Variants in ADAP2 observed in about 807,000 individuals in gnomAD.
The protein encoded by ADAP2 is ArfGAP with dual PH domains 2.
In ADAP2, 42 loss-of-function variants were observed where a neutral mutation model predicts 54.9. That is an observed-to-expected ratio of 0.77 (90% confidence interval 0.60 to 0.99). The LOEUF (loss-of-function observed/expected upper bound fraction) is 0.99, where lower values mean the gene tolerates loss of function less well. Among genes scored for constraint, ADAP2 ranks in the 50% least tolerant of loss-of-function variants. The pLI is 0.00. For synonymous variants in ADAP2, 177 were observed against 180.1 expected, an observed-to-expected ratio of 0.98 and a Z score of 0.14; for missense variants, 429 against 480.4, an observed-to-expected ratio of 0.89 and a Z score of 1.00.
In ADAP2 at chr17:30,938,059, T is replaced by C. The variant is rs190133115; in HGVS notation, c.510+3762T>C. On this transcript the variant is annotated intron_variant, in intron 5 of 10. Transcript: ENST00000330889. ...TAGGATCACCTAAGCAGGAAAAAGG[T>C]GTTCAAGGACTGAGTATTTTGGTTA... is the stretch of plus-strand genomic sequence containing the variant. Among the ~76,000 whole-genome samples, 447 of 152,330 alleles carry C rather than the reference T, an allele frequency of 2.9e-3. 3 individuals are homozygous for C. Among genetic ancestry groups the C allele is most frequent in the African/African-American group, 0.01 (425 of 41,578 alleles).
intron 5 of ADAP2, among the ~76,000 whole-genome samples, chr17:30,942,889 A>G (rs1912375477): frequency 6.6e-6 from 1 of 152,224 alleles, no homozygotes; most frequent in East Asian, 1.9e-4. Context: ...ATCAAAAAGT[A>G]AAAAAGTAAC....
chr17:30,930,263 G>T (rs532883787), intron 3 of ADAP2, among the ~76,000 whole-genome samples: 42 of 151,116 alleles, frequency 2.8e-4, no homozygotes, highest in Non-Finnish European at 5.6e-4. Context: ...GTAGAGCCGG[G>T]GTTTTGCTAT....
intron 4 of ADAP2, among the ~76,000 whole-genome samples, chr17:30,932,817 C>T (rs1457948418): frequency 6.6e-6 from 1 of 151,772 alleles, no homozygotes; most frequent in East Asian, 1.9e-4. Context: ...ATCTGCCCAC[C>T]TTAGCCTCCC....
rs888852177 is a variant in ADAP2 at position 30,926,688 on chromosome 17, A to G, written c.226-139A>G. 13 of 690,226 alleles carry G rather than the reference A, an allele frequency of 1.9e-5. No individual in the cohort carries two copies. In the African/African-American group the frequency reaches 2.0e-4, roughly 10 times the overall value. 42.8% of individuals were successfully genotyped at this position (690,226 alleles called of 1,614,324 possible). Reference sequence around the variant, plus strand: ...TTGTTACAGGCTGGGGCTTCCCAGCAGTATGGATGACCAAGCCCGGTGGGA... The same window carrying G: ...TTGTTACAGGCTGGGGCTTCCCAGCGGTATGGATGACCAAGCCCGGTGGGA... On this transcript the variant is annotated intron_variant, in intron 2 of 10. Coordinates refer to ENST00000330889, the MANE Select transcript of ADAP2 (RefSeq NM_018404.3).
intron 2 of ADAP2, 53 bp downstream of exon 2, chr17:30,923,123 C>T: frequency 6.2e-7 from 1 of 1,603,016 alleles, no homozygotes; most frequent in South Asian, 1.1e-5. Flanking sequence ...GGAGTAGAGG[C>T]AGCGGGCAGG....
chr17:30,956,595 T>A, intron 10 of ADAP2, 126 bp downstream of exon 10: 1 of 897,016 alleles, frequency 1.1e-6, no homozygotes, highest in Non-Finnish European at 1.7e-6. Flanking sequence ...CTTTTCATTG[T>A]CTTCTCTTCC....
intron 3 of ADAP2, among the ~76,000 whole-genome samples, chr17:30,927,576 C>G (rs912977831): frequency 1.3e-5 from 2 of 150,376 alleles, no homozygotes; most frequent in South Asian, 4.2e-4. Flanking sequence ...GATGGCGCCA[C>G]TGCACTCCAG....
At position 30,953,463 on chromosome 17, in the gene ADAP2, TCCAAC is replaced by T. The variant is rs1904831991; in HGVS notation, c.804+117_804+121del. ...AGTGAAAGGTGTTAGGCCAAGCTTG[TCCAAC>T]CCACAGCCCATGGGCCACATGCAAC... On this transcript the variant is annotated intron_variant, in intron 8 of 10. Coordinates refer to ENST00000330889, the MANE Select transcript of ADAP2 (RefSeq NM_018404.3). 8.9e-6 allele frequency: 10 copies of T among 1,120,700 alleles called. No individual in the cohort carries two copies. The South Asian group carries it at 1.4e-4, about 16-fold the overall frequency. 69.4% of individuals were successfully genotyped at this position (1,120,700 alleles called of 1,614,324 possible).
chr17:30,927,629 A>G (rs937155181), intron 3 of ADAP2, among the ~76,000 whole-genome samples: 4 of 151,580 alleles, frequency 2.6e-5, no homozygotes, highest in East Asian at 1.9e-4. Context: ...AAAAAAAAAA[A>G]TAAAAGATAG....
At chr17:30,942,672 G>A (rs1416841938) in intron 5 of ADAP2, among the ~76,000 whole-genome samples, 2 of 152,300 alleles carry the variant, frequency 1.3e-5, no homozygotes, top group East Asian at 3.9e-4. Flanking sequence ...CTAGACTGGT[G>A]TATCTCAGCA....
rs140220861 is a variant in ADAP2, at chr17:30,957,390, G to A, written c.1112-445G>A. Among the ~76,000 whole-genome samples the A allele has an allele frequency of 8.0e-5, 12 of 150,554 alleles. No individual in the cohort carries two copies. The East Asian group carries it at 9.8e-4, about 12-fold the overall frequency. On this transcript the variant is annotated intron_variant, in intron 10 of 10. Transcript: ENST00000330889. Reference sequence around the variant, plus strand: ...GCCCTGGCTCTCACTCTTTCATTCTGTTTTTTATTCTGGCTCCCTCTGTCT... The same window carrying A: ...GCCCTGGCTCTCACTCTTTCATTCTATTTTTTATTCTGGCTCCCTCTGTCT...
intron 3 of ADAP2, among the ~76,000 whole-genome samples, chr17:30,927,633 AAGAT>A (rs1442432011): frequency 1.3e-5 from 2 of 151,886 alleles, no homozygotes; most frequent in Non-Finnish European, 1.5e-5. Flanking sequence ...AAAAAAATAA[AAGAT>A]AGAAATATGT....
chr17:30,938,634 A>G (rs935828038), intron 5 of ADAP2, among the ~76,000 whole-genome samples: 7 of 152,218 alleles, frequency 4.6e-5, no homozygotes, highest in African/African-American at 1.7e-4. Context: ...AATTGTGGCC[A>G]ACAAAGTAAG....
chr17:30,958,030 T>G lies in ADAP2; in HGVS notation c.*161T>G. On this transcript the variant is annotated 3_prime_UTR_variant, in exon 11 of 11. Coordinates refer to ENST00000330889, the MANE Select transcript of ADAP2 (RefSeq NM_018404.3). ...TGAAGCTGTGGCTTTATCCATCAGCTCCCTGGGCCTTCCCCGCAACCCACC... is the reference window on the plus strand; with the variant it reads ...TGAAGCTGTGGCTTTATCCATCAGCGCCCTGGGCCTTCCCCGCAACCCACC... The G allele has an allele frequency of 1.4e-6, 1 of 695,692 alleles. No homozygotes were observed. The highest frequency in any genetic ancestry group is 2.5e-6 in the Non-Finnish European group (1 of 397,384). The allele number at this position is 695,692 out of a possible 1,614,324, so 43.1% of individuals were successfully genotyped here.
At chr17:30,954,190 T>C (rs990564998) in intron 8 of ADAP2, 3 of 295,626 alleles carry the variant, frequency 1.0e-5, no homozygotes, top group African/African-American at 6.4e-5. Flanking sequence ...CTTTCCGGCT[T>C]CTTTGTCTAC....
intron 6 of ADAP2, among the ~76,000 whole-genome samples, chr17:30,948,347 G>A (rs972399445): frequency 3.9e-5 from 6 of 152,056 alleles, no homozygotes; most frequent in African/African-American, 1.4e-4. Context: ...GGGAGGCCGA[G>A]GCGGGCAGAT....
At chr17:30,955,490 C>T (rs1025422340) in intron 9 of ADAP2, among the ~76,000 whole-genome samples, 5 of 151,858 alleles carry the variant, frequency 3.3e-5, no homozygotes, top group African/African-American at 9.7e-5. Flanking sequence ...GGGCAGATCA[C>T]GAGCTCAGGA....
In ADAP2 at chr17:30,943,848, AAAATAAATAAATAAATAAAT is replaced by A. The variant is rs55789959; in HGVS notation, c.511-1028_511-1009del. ...GACAACAGAGCAAGACTCTATCTCA[AAAATAAATAAATAAATAAAT>A]AAATAAATAAATAAATAAATAAATA... is the stretch of plus-strand genomic sequence containing the variant. On this transcript the variant is annotated intron_variant, in intron 5 of 10. Coordinates refer to ENST00000330889, the MANE Select transcript of ADAP2 (RefSeq NM_018404.3). Among the ~76,000 whole-genome samples the A allele has an allele frequency of 5.5e-3, 746 of 136,864 alleles. 14 individuals are homozygous for A. Among genetic ancestry groups the A allele is most frequent in the African/African-American group, 0.019 (673 of 36,046 alleles). 89.8% of individuals were successfully genotyped at this position (136,864 alleles called of 152,430 possible).
At chr17:30,944,816 T>A (rs1049364895) in intron 5 of ADAP2, 91 bp from the exon 6 acceptor site, 4 of 1,285,172 alleles carry the variant, frequency 3.1e-6, no homozygotes, top group African/African-American at 3.0e-5. Context: ...ATTTACAGAT[T>A]GATGCTTGTT....
Sources: gnomAD v4.1 joint callset for allele counts (sites outside exome capture counted in the v4.1 genomes callset) on GRCh38, gnomAD v4.1.1 for gene constraint, MANE v1.5 for transcripts, NCBI Gene and HGNC (gene_info 2026-07-23, HGNC 2026-07-21) for gene names.